Variants in SPRED1 observed in about 807,000 individuals in gnomAD.
The protein encoded by SPRED1 is sprouty related EVH1 domain containing 1, also known as sprouty-related, EVH1 domain-containing protein 1.
Under a neutral mutation model 52.3 loss-of-function variants are expected in SPRED1, and 18 were observed. The observed-to-expected ratio is 0.34, with a 90% CI of 0.24 to 0.51. The LOEUF is 0.51. Ranked by LOEUF, SPRED1 falls within the 20% of genes least tolerant of loss-of-function variation. SPRED1 has a pLI of 0.97. For missense variants in SPRED1, 485 were observed against 551.0 expected (o/e 0.88, Z 1.20); for synonymous variants, 155 against 179.7 (o/e 0.86, Z 1.10).
At chr15:38,332,527 C>T (rs190845882) in intron 4 of SPRED1, among the ~76,000 whole-genome samples, 3 of 152,224 alleles carry the variant, frequency 2.0e-5, no homozygotes, top group East Asian at 1.9e-4. Context: ...GAGCTGTGAT[C>T]GTGCCACTGC....
chr15:38,337,294 G>T (rs1022144878), intron 4 of SPRED1, among the ~76,000 whole-genome samples: 3 of 152,070 alleles, frequency 2.0e-5, no homozygotes, highest in Non-Finnish European at 4.4e-5. Flanking sequence ...CTTTTTTCTA[G>T]TTTAGGATTC....
At chr15:38,307,189 T>C (rs1178110480) in intron 2 of SPRED1, among the ~76,000 whole-genome samples, 1 of 152,230 alleles carries the variant, frequency 6.6e-6, no homozygotes, top group East Asian at 1.9e-4. Context: ...TTTGAATGTG[T>C]CATGCTTTTA....
intron 1 of SPRED1, chr15:38,298,476 T>C: frequency 3.4e-6 from 1 of 291,980 alleles, no homozygotes; most frequent in Non-Finnish European, 6.5e-6. Context: ...AAGAATAAAT[T>C]ATGATAGATT....
chr15:38,253,250 C>G (rs1341574642), intron 1 of SPRED1, 33 bp downstream of exon 1: 17 of 1,558,144 alleles, frequency 1.1e-5, no homozygotes, highest in Non-Finnish European at 1.4e-5. Context: ...TTGCTAATCC[C>G]CCTCCCCCTA....
chr15:38,325,670 A>G (rs552585085), intron 4 of SPRED1, among the ~76,000 whole-genome samples: 59 of 152,284 alleles, frequency 3.9e-4, no homozygotes, highest in Middle Eastern at 6.8e-3. Context: ...TTAAAAGGAC[A>G]TTCAAGCAAC....
At chr15:38,322,772 CT>C (rs371955438) in intron 3 of SPRED1, among the ~76,000 whole-genome samples, 4 of 152,042 alleles carry the variant, frequency 2.6e-5, no homozygotes, top group African/African-American at 9.7e-5. Context: ...CAGTCACATC[CT>C]TTTTTTGGGT....
chr15:38,323,240 C>T (rs1225850948), intron 3 of SPRED1, among the ~76,000 whole-genome samples: 3 of 152,070 alleles, frequency 2.0e-5, no homozygotes, highest in Non-Finnish European at 2.9e-5. Flanking sequence ...ATACATTGTA[C>T]AAATCTGTTT....
chr15:38,310,123 G>GTA (rs1895332710), intron 2 of SPRED1, among the ~76,000 whole-genome samples: 2 of 103,048 alleles, frequency 1.9e-5, no homozygotes, highest in South Asian at 8.1e-4. Flanking sequence ...CTTTGTGTGT[G>GTA]TGTGTGTGTG....
At chr15:38,346,951 T>C (rs1173642120) in intron 5 of SPRED1, among the ~76,000 whole-genome samples, 1 of 152,216 alleles carries the variant, frequency 6.6e-6, no homozygotes, top group African/African-American at 2.4e-5. Flanking sequence ...GGTAATCAAA[T>C]GTTCTGTGTT....
intron 1 of SPRED1, among the ~76,000 whole-genome samples, chr15:38,262,312 T>C (rs1894222942): frequency 6.6e-6 from 1 of 152,230 alleles, no homozygotes; most frequent in South Asian, 2.1e-4. Context: ...GGGAAATAGA[T>C]ACTTCTGAAA....
In SPRED1 at chr15:38,356,955, CATGTGCTT is replaced by C. The variant is rs1320956893; in HGVS notation, c.*5294_*5301del. ...TACCATTAATTATGAAATGTAGTCTCATGTGCTTATTTACAGGTTTTTCAGAATTTGCT... is the reference window on the plus strand; with the variant it reads ...TACCATTAATTATGAAATGTAGTCTCATTTACAGGTTTTTCAGAATTTGCT... On this transcript the variant is annotated 3_prime_UTR_variant, in exon 7 of 7. Coordinates refer to ENST00000299084, the MANE Select transcript of SPRED1 (RefSeq NM_152594.3). 6.6e-6 allele frequency: 1 copy of C among 152,146 alleles called. No individual in the cohort carries two copies. The highest frequency in any genetic ancestry group is 1.5e-5 in the Non-Finnish European group (1 of 67,982). 9.4% of individuals were successfully genotyped at this position (152,146 alleles called of 1,614,324 possible).
At position 38,353,737 on chromosome 15, in the gene SPRED1, GT is replaced by G. The variant is rs1888546384; in HGVS notation, c.*2076del. 1.3e-5 allele frequency: 2 copies of G among 152,492 alleles called. No homozygotes were observed. Among genetic ancestry groups the G allele is most frequent in the Non-Finnish European group, 2.9e-5 (2 of 67,976 alleles). The allele number at this position is 152,492 out of a possible 1,614,324, so 9.4% of individuals were successfully genotyped here. ...TGTAAGTGCTAAGTTTATAATTCAG[GT>G]TTGATCAAGGTGTGAATAACTGAAG... On this transcript the variant is annotated 3_prime_UTR_variant, in exon 7 of 7. Coordinates refer to ENST00000299084, the MANE Select transcript of SPRED1 (RefSeq NM_152594.3).
chr15:38,268,163 C>G (rs1292931089), intron 1 of SPRED1: 1 of 152,220 alleles, frequency 6.6e-6, no homozygotes, highest in Non-Finnish European at 1.5e-5. Context: ...CATTTGCTGT[C>G]TCTACTCTAG....
intron 5 of SPRED1, among the ~76,000 whole-genome samples, chr15:38,344,694 C>T (rs370485429): frequency 1.3e-5 from 2 of 152,008 alleles, no homozygotes; most frequent in African/African-American, 2.4e-5. Context: ...GGAATAATAT[C>T]GGTATCTACC....
chr15:38,259,332 C>A (rs1894160620), intron 1 of SPRED1, among the ~76,000 whole-genome samples: 1 of 152,170 alleles, frequency 6.6e-6, no homozygotes, highest in Non-Finnish European at 1.5e-5. Context: ...TCATAGCTCA[C>A]TGCAGCCTTG....
intron 2 of SPRED1, among the ~76,000 whole-genome samples, chr15:38,311,217 G>A (rs1202119899): frequency 1.3e-5 from 2 of 152,096 alleles, no homozygotes; most frequent in Non-Finnish European, 2.9e-5. Context: ...TGATACGATA[G>A]ATTATATTGA....
chr15:38,320,773 G>A (rs1385186855), intron 2 of SPRED1, among the ~76,000 whole-genome samples: 1 of 152,154 alleles, frequency 6.6e-6, no homozygotes, highest in African/African-American at 2.4e-5. Context: ...ATTAAGGTGT[G>A]TAGTTCTAGT....
At chr15:38,340,995 A>ATT (rs36150872) in intron 5 of SPRED1, among the ~76,000 whole-genome samples, 2,065 of 128,264 alleles carry the variant, frequency 0.016, 74 homozygotes, top group African/African-American at 0.048. Flanking sequence ...CTGGGCCTGG[A>ATT]TTTTTTTTTT....
At chr15:38,264,994 T>C (rs1385658455) in intron 1 of SPRED1, among the ~76,000 whole-genome samples, 10 of 152,210 alleles carry the variant, frequency 6.6e-5, no homozygotes, top group Non-Finnish European at 8.8e-5. Context: ...TTGACTGATA[T>C]TGCAGGGTTT....
Sources: allele counts gnomAD v4.1 joint callset (sites outside exome capture counted in the v4.1 genomes callset), GRCh38; gene constraint gnomAD v4.1.1; transcripts MANE v1.5; gene names NCBI Gene and HGNC (gene_info 2026-07-23, HGNC 2026-07-21).